Variants in CPNE4 observed in about 807,000 individuals in gnomAD.
The protein encoded by CPNE4 is copine 4.
Under a neutral mutation model 67.9 loss-of-function variants are expected in CPNE4, and 25 were observed. That is an observed-to-expected ratio of 0.37 (90% CI 0.27 to 0.51). The LOEUF (loss-of-function observed/expected upper bound fraction) is 0.51. Among genes scored for constraint, CPNE4 ranks in the 20% least tolerant of loss-of-function variants. The pLI is 0.93. For missense variants in CPNE4, 464 were observed against 690.8 expected (o/e 0.67, Z 3.68); for synonymous variants, 242 against 244.9 (o/e 0.99, Z 0.11).
At chr3:131,960,140 G>GGAGGGAGGAGAGA (rs2072124539) in intron 1 of CPNE4, among the ~76,000 whole-genome samples, 1 of 151,900 alleles carries the variant, frequency 6.6e-6, no homozygotes, top group East Asian at 1.9e-4. Context: ...GGGAGGAGAG[G>GGAGGGAGGAGAGA]GAGGGAGATA....
At chr3:131,629,167 G>A (rs769117059) in intron 7 of CPNE4, among the ~76,000 whole-genome samples, 2 of 152,034 alleles carry the variant, frequency 1.3e-5, no homozygotes, top group Non-Finnish European at 2.9e-5. Flanking sequence ...TCACTATCAC[G>A]AGAATAGCAC....
chr3:131,899,247 A>T (rs1172487188), intron 2 of CPNE4, among the ~76,000 whole-genome samples: 2 of 152,098 alleles, frequency 1.3e-5, no homozygotes, highest in Admixed American at 6.6e-5. Flanking sequence ...CAGGCTGGCT[A>T]GCAGGAGGCA....
At chr3:131,814,573 T>A (rs1010729214) in intron 2 of CPNE4, among the ~76,000 whole-genome samples, 3 of 2,254 alleles carry the variant, frequency 1.3e-3, no homozygotes, top group Non-Finnish European at 3.0e-3. Context: ...TGAAATGCAA[T>A]TTTTTTTTTT....
At chr3:131,839,894 G>A (rs565913776) in intron 2 of CPNE4, among the ~76,000 whole-genome samples, 31 of 152,262 alleles carry the variant, frequency 2.0e-4, no homozygotes, top group South Asian at 1.9e-3. Flanking sequence ...CCATTGCAAA[G>A]TTTCATTATA....
intron 7 of CPNE4, among the ~76,000 whole-genome samples, chr3:131,627,153 A>G (rs7633851): frequency 0.27 from 39,083 of 146,964 alleles, 8,797 homozygotes; most frequent in African/African-American, 0.62. Context: ...AGATTGTGCC[A>G]CTGCACTCCA....
chr3:131,722,622 C>G (rs2081916947), intron 3 of CPNE4, among the ~76,000 whole-genome samples: 1 of 152,138 alleles, frequency 6.6e-6, no homozygotes. Flanking sequence ...GGTCTACGAC[C>G]TTGTATAGAG....
intron 3 of CPNE4, among the ~76,000 whole-genome samples, chr3:131,705,070 C>T (rs751894821): frequency 6.6e-6 from 1 of 151,350 alleles, no homozygotes; most frequent in Non-Finnish European, 1.5e-5. Context: ...TTCCCACCCA[C>T]TTTTCCCTTC....
rs189277410 is a variant in CPNE4, at chr3:131,657,021, A to C, written c.681+12654T>G. Among the ~76,000 whole-genome samples the C allele has an allele frequency of 5.3e-5, 8 of 152,336 alleles. No individual in the cohort carries two copies. In the East Asian group the frequency reaches 1.3e-3, roughly 26 times the overall value. On this transcript the variant is annotated intron_variant, in intron 7 of 15. Transcript: ENST00000429747. ...AAACAAGTCCGAGAGTGTGACCGTA[A>C]GCCCTTTCAATGCCATACTTAATCA...
intron 2 of CPNE4, among the ~76,000 whole-genome samples, chr3:131,777,992 G>A (rs892088323): frequency 4.6e-5 from 7 of 152,212 alleles, no homozygotes; most frequent in African/African-American, 1.7e-4. Context: ...TCAAAACATA[G>A]TCTCCCAGCA....
At chr3:131,702,813 A>G (rs973881540) in intron 3 of CPNE4, among the ~76,000 whole-genome samples, 2 of 152,210 alleles carry the variant, frequency 1.3e-5, no homozygotes, top group African/African-American at 2.4e-5. Context: ...ATTTGCAGGG[A>G]ATGAAGAAAA....
intron 9 of CPNE4, among the ~76,000 whole-genome samples, chr3:131,579,241 G>C (rs958245619): frequency 6.6e-6 from 1 of 152,160 alleles, no homozygotes. Context: ...GCAAAGCCTG[G>C]ATGGCATCAC....
In CPNE4 at chr3:131,536,703, A is replaced by G. The variant is rs143840178; in HGVS notation, c.1540-1374T>C. On this transcript the variant is annotated intron_variant, in intron 15 of 15. Coordinates refer to ENST00000429747, the MANE Select transcript of CPNE4 (RefSeq NM_130808.3). ...CACTGTAAAGAGTTTTTCTCAAGTG[A>G]TCTTTCACATTTTGAAGATGTCATA... 1.7e-4 allele frequency among the ~76,000 whole-genome samples: 26 copies of G among 152,362 alleles called. No homozygotes were observed. In the East Asian group the frequency reaches 4.8e-3, roughly 28 times the overall value.
chr3:131,851,867 G>A (rs1392028391), intron 2 of CPNE4, among the ~76,000 whole-genome samples: 1 of 151,984 alleles, frequency 6.6e-6, no homozygotes, highest in East Asian at 1.9e-4. Flanking sequence ...AGAGACATGG[G>A]CAGAAGTGGA....
rs1560088339 is a variant in CPNE4 at position 131,671,458 on chromosome 3, C to CGTGTGT, written c.592-1695_592-1694insACACAC. Among the ~76,000 whole-genome samples, 291 of 125,698 alleles carry CGTGTGT rather than the reference C, an allele frequency of 2.3e-3. 2 individuals are homozygous for CGTGTGT. Among genetic ancestry groups the CGTGTGT allele is most frequent in the African/African-American group, 7.1e-3 (267 of 37,658 alleles). 82.5% of individuals were successfully genotyped at this position (125,698 alleles called of 152,430 possible). ...ATGTGTATGTATGTATGAGTGTACA[C>CGTGTGT]ATGTGTGTGTGTGTGTGTGTGTGTG... On this transcript the variant is annotated intron_variant, in intron 6 of 15. Coordinates refer to ENST00000429747, the MANE Select transcript of CPNE4 (RefSeq NM_130808.3).
chr3:131,657,095 A>G (rs2107635489), intron 7 of CPNE4, among the ~76,000 whole-genome samples: 1 of 152,280 alleles, frequency 6.6e-6, no homozygotes, highest in East Asian at 1.9e-4. Context: ...ATAAGAATTT[A>G]CCATTATTTG....
intron 10 of CPNE4, among the ~76,000 whole-genome samples, chr3:131,569,152 C>G (rs1937205626): frequency 6.6e-6 from 1 of 151,934 alleles, no homozygotes; most frequent in African/African-American, 2.4e-5. Flanking sequence ...AAAGCATTTG[C>G]CTCTTTAACC....
intron 2 of CPNE4, among the ~76,000 whole-genome samples, chr3:131,731,758 A>T (rs558185532): frequency 1.4e-4 from 21 of 152,232 alleles, no homozygotes; most frequent in Admixed American, 6.5e-4. Flanking sequence ...ATGGAATTTT[A>T]AATTTAAATT....
At position 131,537,068 on chromosome 3, in the gene CPNE4, T is replaced by A. The variant is rs186666306; in HGVS notation, c.1540-1739A>T. On this transcript the variant is annotated intron_variant, in intron 15 of 15. Transcript: ENST00000429747. Reference sequence around the variant, plus strand: ...TTCAACAATACAAGAGTTTAACAGATTCTGGACTCAGGGCTACACATGCAA... The same window carrying A: ...TTCAACAATACAAGAGTTTAACAGAATCTGGACTCAGGGCTACACATGCAA... Among the ~76,000 whole-genome samples the A allele has an allele frequency of 5.6e-3, 847 of 152,244 alleles. 3 individuals carry two copies. Among genetic ancestry groups the A allele is most frequent in the Non-Finnish European group, 7.6e-3 (516 of 68,010 alleles).
chr3:131,824,021 C>T (rs2085058963), intron 2 of CPNE4, among the ~76,000 whole-genome samples: 1 of 152,120 alleles, frequency 6.6e-6, no homozygotes, highest in South Asian at 2.1e-4. Context: ...AATACAGAAT[C>T]TAACAAAGAA....
Sources: allele counts gnomAD v4.1 joint callset (sites outside exome capture counted in the v4.1 genomes callset), GRCh38; gene constraint gnomAD v4.1.1; transcripts MANE v1.5; gene names NCBI Gene and HGNC (gene_info 2026-07-23, HGNC 2026-07-21).